Variants in CPLX1 observed in about 807,000 individuals in gnomAD.
The protein encoded by CPLX1 is complexin 1.
Under a neutral mutation model 15.6 loss-of-function variants are expected in CPLX1, and 6 were observed. The ratio of observed to expected loss-of-function variants is 0.39; its 90% CI spans 0.21 to 0.76. The LOEUF (loss-of-function observed/expected upper bound fraction) is 0.76, where lower values mean the gene tolerates loss of function less well. Ranked by LOEUF, CPLX1 falls within the 30% of genes least tolerant of loss-of-function variation. The pLI is 0.43. For synonymous variants in CPLX1, 91 were observed against 75.2 expected, an observed-to-expected ratio of 1.21 and a Z score of -1.08; for missense variants, 242 against 188.6, an observed-to-expected ratio of 1.28 and a Z score of -1.66.
rs1360052662 is a variant in CPLX1 at position 786,555 on chromosome 4, C to T, written c.351G>A (p.Leu117=). ...DEVEEEDESI[L]DTVIKYLPGP... ...CGGGCAGGTACTTGATGACGGTGTC[C>T]AGGATGCTCTCGTCCTCCTCCTCCA... Residue 117 remains leucine, a synonymous_variant, in exon 4 of 4, where the codon CTG becomes CTA. Coordinates refer to ENST00000304062, the MANE Select transcript of CPLX1 (RefSeq NM_006651.4). The T allele has an allele frequency of 1.9e-6, 3 of 1,609,070 alleles. No homozygotes were observed. The highest frequency in any genetic ancestry group is 1.1e-5 in the South Asian group (1 of 90,172).
intron 2 of CPLX1, among the ~76,000 whole-genome samples, chr4:795,421 C>T (rs1454148503): frequency 1.3e-5 from 2 of 152,202 alleles, no homozygotes; most frequent in Non-Finnish European, 2.9e-5. Flanking sequence ...GGCGGCGCTG[C>T]GACCCACCCC....
intron 3 of CPLX1, among the ~76,000 whole-genome samples, chr4:791,071 C>T (rs1168408446): frequency 1.3e-5 from 2 of 151,924 alleles, no homozygotes; most frequent in African/African-American, 2.4e-5. Flanking sequence ...GTCTCCCGCT[C>T]CTGATACCCA....
intron 2 of CPLX1, among the ~76,000 whole-genome samples, chr4:808,765 A>G (rs1746603646): frequency 6.6e-6 from 1 of 152,260 alleles, no homozygotes; most frequent in Non-Finnish European, 1.5e-5. Flanking sequence ...CTTTCCTAAT[A>G]CACTTAAAAA....
At chr4:803,491 C>T (rs1488369941) in intron 2 of CPLX1, among the ~76,000 whole-genome samples, 1 of 152,110 alleles carries the variant, frequency 6.6e-6, no homozygotes, top group African/African-American at 2.4e-5. Context: ...CCCAGGTTCA[C>T]GCCATTCTCC....
intron 2 of CPLX1, among the ~76,000 whole-genome samples, chr4:823,415 A>T (rs564858993): frequency 6.6e-6 from 1 of 152,200 alleles, no homozygotes; most frequent in South Asian, 2.1e-4. Flanking sequence ...CCCTCTGTAC[A>T]CCCTTGTCCC....
At chr4:806,416 T>A (rs1321259360) in intron 2 of CPLX1, among the ~76,000 whole-genome samples, 1 of 152,188 alleles carries the variant, frequency 6.6e-6, no homozygotes, top group African/African-American at 2.4e-5. Flanking sequence ...AATTAAAGAT[T>A]TAAATGTAAA....
Position 785,212 on chromosome 4 carries a change from G to C in CPLX1, c.*1289C>G, listed in dbSNP as rs971852210. 6.6e-6 allele frequency: 1 copy of C among 152,540 alleles called. No homozygotes were observed. Among genetic ancestry groups the C allele is most frequent in the Non-Finnish European group, 1.5e-5 (1 of 68,088 alleles). The allele number at this position is 152,540 out of a possible 1,614,324, so 9.4% of individuals were successfully genotyped here. A position where few individuals can be genotyped will look rare whatever the true frequency, so the allele number is the denominator to read the frequency against. ...AAAAGACACGACCCGGGAGAAGTCA[G>C]TGAGAGGGCACAGGGCGAGCAGGAC... On this transcript the variant is annotated 3_prime_UTR_variant, in exon 4 of 4. Transcript: ENST00000304062.
At chr4:792,282 C>A in intron 3 of CPLX1, 151 bp downstream of exon 3, 2 of 644,026 alleles carry the variant, frequency 3.1e-6, no homozygotes, top group Non-Finnish European at 2.5e-6. Flanking sequence ...CCCCACCCCT[C>A]ACCCCTCCGC....
chr4:803,896 C>T (rs989819638), intron 2 of CPLX1, among the ~76,000 whole-genome samples: 2 of 152,162 alleles, frequency 1.3e-5, no homozygotes, highest in African/African-American at 4.8e-5. Flanking sequence ...TTCTCAAACT[C>T]CTGACCTCAA....
At chr4:825,134 G>A (rs1190304559) in intron 1 of CPLX1, among the ~76,000 whole-genome samples, 1 of 152,148 alleles carries the variant, frequency 6.6e-6, no homozygotes, top group Non-Finnish European at 1.5e-5. Flanking sequence ...AAGAGATCGG[G>A]GTTGGGGAGA....
At chr4:822,286 T>C (rs370149725) in intron 2 of CPLX1, among the ~76,000 whole-genome samples, 1 of 61,170 alleles carries the variant, frequency 1.6e-5, no homozygotes, top group Non-Finnish European at 3.5e-5. Flanking sequence ...CCTCTTCCTT[T>C]GTCTGTCTGT....
chr4:819,505 C>T (rs1183095318), intron 2 of CPLX1, among the ~76,000 whole-genome samples: 1 of 152,254 alleles, frequency 6.6e-6, no homozygotes, highest in Non-Finnish European at 1.5e-5. Flanking sequence ...TGGCATTTTA[C>T]TGTTAAGTGT....
At chr4:795,945 C>T (rs1746327812) in intron 2 of CPLX1, among the ~76,000 whole-genome samples, 1 of 152,060 alleles carries the variant, frequency 6.6e-6, no homozygotes, top group Non-Finnish European at 1.5e-5. Context: ...GGGTCAGGGC[C>T]GCGCGTTTCC....
intron 2 of CPLX1, among the ~76,000 whole-genome samples, chr4:801,193 G>A (rs1195108922): frequency 2.4e-4 from 36 of 150,854 alleles, no homozygotes; most frequent in African/African-American, 8.3e-4. Context: ...GTGGTGGCAC[G>A]TGCCTGCAGT....
chr4:821,744 C>A (rs1033943381), intron 2 of CPLX1, among the ~76,000 whole-genome samples: 1 of 152,184 alleles, frequency 6.6e-6, no homozygotes, highest in African/African-American at 2.4e-5. Context: ...CCCGCTCCCC[C>A]ACGAGCGATC....
At chr4:804,066 C>T (rs1408689714) in intron 2 of CPLX1, among the ~76,000 whole-genome samples, 1 of 152,198 alleles carries the variant, frequency 6.6e-6, no homozygotes, top group African/African-American at 2.4e-5. Flanking sequence ...GGTTTGCAGC[C>T]GGGGAACAAT....
At chr4:813,794 G>C (rs1165932740) in intron 2 of CPLX1, among the ~76,000 whole-genome samples, 2 of 152,106 alleles carry the variant, frequency 1.3e-5, no homozygotes, top group Non-Finnish European at 2.9e-5. Flanking sequence ...TAAAGGGCCT[G>C]ACCTGTGCGG....
intron 3 of CPLX1, 30 bp from the exon 4 acceptor site, chr4:786,728 G>T: frequency 4.5e-6 from 7 of 1,556,554 alleles, no homozygotes; most frequent in Non-Finnish European, 6.1e-6. Context: ...CAGGGCGGGG[G>T]TCCCGGCGGC....
chr4:794,113 G>A (rs752747151), intron 2 of CPLX1, among the ~76,000 whole-genome samples: 8 of 152,270 alleles, frequency 5.3e-5, no homozygotes, highest in Non-Finnish European at 1.2e-4. Flanking sequence ...TCACTCAGGA[G>A]TGAGCTCCCT....
Sources: gnomAD v4.1 joint callset for allele counts (sites outside exome capture counted in the v4.1 genomes callset) on GRCh38, gnomAD v4.1.1 for gene constraint, MANE v1.5 for transcripts, NCBI Gene and HGNC (gene_info 2026-07-23, HGNC 2026-07-21) for gene names.